Variants in SCRG1 observed in about 807,000 individuals in gnomAD.
SCRG1 encodes the protein stimulator of chondrogenesis 1, also known as scrapie-responsive protein 1.
SCRG1 carries 3 observed loss-of-function variants against 7.7 expected under a neutral mutation model. The ratio of observed to expected loss-of-function variants is 0.39; its 90% CI spans 0.18 to 1.01. The LOEUF is 1.01. Among genes scored for constraint, SCRG1 ranks in the 50% least tolerant of loss-of-function variants. SCRG1 has a pLI of 0.36. For synonymous variants in SCRG1, 46 were observed against 41.2 expected (o/e 1.12, Z -0.44); for missense variants, 110 against 117.2 (o/e 0.94, Z 0.28).
the SCRG1 span, among the ~76,000 whole-genome samples, chr4:173,484,092 ACC>A: frequency 1.5e-5 from 1 of 68,596 alleles, no homozygotes. Context: ...TATATAATAT[ACC>A]ATATATAATA....
At chr4:173,454,431 CTGAGCA>C in the SCRG1 span, among the ~76,000 whole-genome samples, 2 of 152,068 alleles carry the variant, frequency 1.3e-5, no homozygotes, top group East Asian at 3.9e-4. Flanking sequence ...TTGCAGGGGT[CTGAGCA>C]TGAAGTGTGG....
chr4:173,508,844 A>G, the SCRG1 span, among the ~76,000 whole-genome samples: 1 of 152,008 alleles, frequency 6.6e-6, no homozygotes, highest in African/African-American at 2.4e-5. This position sits in a 1 kb window ranked among gnomAD's most constrained non-coding sequence, Gnocchi z 4.4. Context: ...CCGAGGTGGG[A>G]ATGCCTGCTC....
chr4:173,416,943 CACACACACACAG>C, the SCRG1 span, among the ~76,000 whole-genome samples: 1 of 113,076 alleles, frequency 8.8e-6, no homozygotes, highest in African/African-American at 3.1e-5. Flanking sequence ...CACACACACA[CACACACACACAG>C]TCACATCATC....
the SCRG1 span, among the ~76,000 whole-genome samples, chr4:173,422,093 G>A: frequency 6.6e-6 from 1 of 152,140 alleles, no homozygotes; most frequent in Non-Finnish European, 1.5e-5. Flanking sequence ...ATATTTTATA[G>A]CATGTTCACA....
chr4:173,475,427 A>G, the SCRG1 span, among the ~76,000 whole-genome samples: 1 of 152,246 alleles, frequency 6.6e-6, no homozygotes, highest in Admixed American at 6.5e-5. Context: ...AAGTGTCAAG[A>G]GCACCCCTGT....
At chr4:173,417,009 C>T in the SCRG1 span, among the ~76,000 whole-genome samples, 237 of 149,680 alleles carry the variant, frequency 1.6e-3, 3 homozygotes, top group African/African-American at 5.6e-3. Flanking sequence ...CATCTTCACA[C>T]ACACCCCACA....
chr4:173,422,977 C>T, the SCRG1 span, among the ~76,000 whole-genome samples: 1 of 152,078 alleles, frequency 6.6e-6, no homozygotes, highest in African/African-American at 2.4e-5. Flanking sequence ...AAGCAGTCTC[C>T]AAGGATTATG....
chr4:173,448,365 C>A, the SCRG1 span, among the ~76,000 whole-genome samples: 4 of 152,328 alleles, frequency 2.6e-5, no homozygotes, highest in South Asian at 2.1e-4. Context: ...GACAGTGCTC[C>A]AACCCTATGA....
the SCRG1 span, among the ~76,000 whole-genome samples, chr4:173,421,602 G>A: frequency 5.8e-4 from 88 of 152,238 alleles, no homozygotes; most frequent in African/African-American, 2.1e-3. Context: ...CTGAAAATTA[G>A]CCATTCCCTT....
chr4:173,438,679 G>A, the SCRG1 span, among the ~76,000 whole-genome samples: 1 of 151,622 alleles, frequency 6.6e-6, no homozygotes, highest in Non-Finnish European at 1.5e-5. Context: ...ATATTTGCAG[G>A]CCCTGTTTTT....
chr4:173,503,700 A>G, the SCRG1 span, among the ~76,000 whole-genome samples: 2 of 152,222 alleles, frequency 1.3e-5, no homozygotes, highest in African/African-American at 4.8e-5. The surrounding 1 kb of genome is among the most constrained non-coding windows in gnomAD (Gnocchi z 6.4). Flanking sequence ...AAGTCAGTCC[A>G]GAAGCCAAGA....
At chr4:173,401,216 G>T (rs1739753050), upstream of SCRG1, among the ~76,000 whole-genome samples, 1 of 152,134 alleles carries the variant, frequency 6.6e-6, no homozygotes, top group Admixed American at 6.5e-5. Flanking sequence ...GGAGATGAGA[G>T]GTGTGTGCGC....
intron 1 of SCRG1, among the ~76,000 whole-genome samples, chr4:173,395,227 T>C (rs1739570974): frequency 6.6e-6 from 1 of 152,268 alleles, no homozygotes; most frequent in South Asian, 2.1e-4. Flanking sequence ...TCATTTTATG[T>C]CTGTCATTCT....
At chr4:173,484,440 T>G in the SCRG1 span, among the ~76,000 whole-genome samples, 2 of 36,480 alleles carry the variant, frequency 5.5e-5, 1 homozygote, top group African/African-American at 1.9e-4. Flanking sequence ...TATATACATA[T>G]GATATATAAT....
At chr4:173,496,049 G>A in the SCRG1 span, among the ~76,000 whole-genome samples, 1 of 152,078 alleles carries the variant, frequency 6.6e-6, no homozygotes, top group African/African-American at 2.4e-5. Context: ...CAAAAGAAAC[G>A]AGAGTATTCA....
chr4:173,421,414 G>GT, the SCRG1 span, among the ~76,000 whole-genome samples: 62,167 of 142,140 alleles, frequency 0.44, 13,403 homozygotes, highest in Admixed American at 0.59. Flanking sequence ...GGTTTAGTTT[G>GT]TTGGGGGGGG....
At chr4:173,415,108 G>A in the SCRG1 span, among the ~76,000 whole-genome samples, 5 of 152,266 alleles carry the variant, frequency 3.3e-5, no homozygotes, top group African/African-American at 1.2e-4. Flanking sequence ...CCCCCAAATT[G>A]GAGAGTTGGC....
the SCRG1 span, among the ~76,000 whole-genome samples, chr4:173,515,224 C>G: frequency 1.3e-5 from 2 of 152,136 alleles, no homozygotes; most frequent in Admixed American, 1.3e-4. The surrounding 1 kb of genome is among the most constrained non-coding windows in gnomAD (Gnocchi z 4.6). Flanking sequence ...TCCAAGATGG[C>G]AAGGGATAGA....
chr4:173,456,080 T>C, the SCRG1 span, among the ~76,000 whole-genome samples: 42 of 152,284 alleles, frequency 2.8e-4, no homozygotes, highest in African/African-American at 8.4e-4. Context: ...TTAGGAGATA[T>C]TGACTTCTCT....
Sources: gnomAD v4.1 joint callset for allele counts (sites outside exome capture counted in the v4.1 genomes callset) on GRCh38, gnomAD v4.1.1 for gene constraint, Gnocchi (gnomAD v3.1) non-coding constraint, MANE v1.5 for transcripts, NCBI Gene and HGNC (gene_info 2026-07-23, HGNC 2026-07-21) for gene names.